Variants in SPATS1 observed in about 807,000 individuals in gnomAD.
The protein encoded by SPATS1 is spermatogenesis associated serine rich 1, also known as spermatogenesis-associated serine-rich protein 1.
Under a neutral mutation model 33.6 loss-of-function variants are expected in SPATS1, and 23 were observed. The ratio of observed to expected loss-of-function variants is 0.68; its 90% CI spans 0.49 to 0.97. SPATS1 has a LOEUF of 0.97. Ranked by LOEUF, SPATS1 falls within the 50% of genes least tolerant of loss-of-function variation. The pLI, the probability that SPATS1 is intolerant of heterozygous loss-of-function variation, is 0.00. For synonymous variants in SPATS1, 131 were observed against 125.6 expected (o/e 1.04, Z -0.29); for missense variants, 327 against 361.0 (o/e 0.91, Z 0.76).
At chr6:44,342,827 C>T (rs575364800) in intron 1 of SPATS1, 59 bp downstream of exon 1, 379 of 1,068,564 alleles carry the variant, frequency 3.5e-4, no homozygotes, top group Middle Eastern at 8.4e-4. Flanking sequence ...GGTGGGAAGA[C>T]CCCGAGGTGG....
At position 44,379,869 on chromosome 6, in the gene SPATS1, C is replaced by T. The variant is rs1790127545; in HGVS notation, c.*2806C>T. Among the ~76,000 whole-genome samples, 1 of 151,784 alleles carries T rather than the reference C, an allele frequency of 6.6e-6. No individual in the cohort carries two copies. Among genetic ancestry groups the T allele is most frequent in the African/African-American group, 2.4e-5 (1 of 41,322 alleles). ...CTGGAGTTGCAGAGCTACATTTCAT[C>T]CCCTGAAAATCAGGGCAGTTTTCGC... is the stretch of plus-strand genomic sequence containing the variant. On this transcript the variant is annotated 3_prime_UTR_variant, in exon 9 of 9. Coordinates refer to ENST00000674044, the MANE Select transcript of SPATS1 (RefSeq NM_001372081.1).
intron 3 of SPATS1, among the ~76,000 whole-genome samples, 166 bp downstream of exon 3, chr6:44,353,039 C>A (rs996315726): frequency 6.6e-6 from 1 of 152,144 alleles, no homozygotes; most frequent in African/African-American, 2.4e-5. Context: ...TGAATCTGAG[C>A]AAATTACTTC....
chr6:44,351,423 T>C (rs1048703930), intron 2 of SPATS1, among the ~76,000 whole-genome samples: 1 of 152,184 alleles, frequency 6.6e-6, no homozygotes, highest in African/African-American at 2.4e-5. Context: ...GTGTGAAGCA[T>C]GATACTGTGT....
chr6:44,362,082 A>C, intron 5 of SPATS1, 90 bp downstream of exon 5: 12 of 1,491,898 alleles, frequency 8.0e-6, no homozygotes, highest in Non-Finnish European at 1.1e-5. Flanking sequence ...AGCTGGGGGC[A>C]GCCCTGTAGA....
Position 44,349,229 on chromosome 6 carries a change from T to C in SPATS1, c.140-3497T>C, listed in dbSNP as rs139184174. Among the ~76,000 whole-genome samples, 537 of 141,422 alleles carry C rather than the reference T, an allele frequency of 3.8e-3. 3 individuals carry two copies. The highest frequency in any genetic ancestry group is 0.014 in the African/African-American group (514 of 37,388). The allele number at this position is 141,422 out of a possible 152,430, so 92.8% of individuals were successfully genotyped here. On this transcript the variant is annotated intron_variant, in intron 2 of 8. Transcript: ENST00000674044. Reference sequence around the variant, plus strand: ...CAGGAGAATTGCTTGAACCCTGGAGTTGGAGGTTGCAGTGAGCCGAGATTA... The same window carrying C: ...CAGGAGAATTGCTTGAACCCTGGAGCTGGAGGTTGCAGTGAGCCGAGATTA...
chr6:44,351,521 A>G (rs982636711), intron 2 of SPATS1, among the ~76,000 whole-genome samples: 3 of 152,216 alleles, frequency 2.0e-5, no homozygotes, highest in Non-Finnish European at 2.9e-5. Flanking sequence ...CAGAGGTTAC[A>G]TTGCCATCTA....
At chr6:44,362,723 T>C (rs1788995439) in intron 5 of SPATS1, among the ~76,000 whole-genome samples, 1 of 152,180 alleles carries the variant, frequency 6.6e-6, no homozygotes, top group Non-Finnish European at 1.5e-5. Flanking sequence ...CAGAGACAAA[T>C]AGTTTTGAGA....
At chr6:44,364,065 A>G (rs951462768) in intron 5 of SPATS1, among the ~76,000 whole-genome samples, 3 of 152,156 alleles carry the variant, frequency 2.0e-5, no homozygotes, top group Admixed American at 6.5e-5. Flanking sequence ...TTCAATAATG[A>G]TCAACACCTG....
chr6:44,360,916 G>A (rs912532980), intron 4 of SPATS1, among the ~76,000 whole-genome samples: 5 of 152,124 alleles, frequency 3.3e-5, no homozygotes, highest in Admixed American at 1.3e-4. Flanking sequence ...ATGTGTGTGT[G>A]TATACATACA....
chr6:44,369,493 T>TGAGCCGAGATTGCAGC (rs1300663628), intron 6 of SPATS1, among the ~76,000 whole-genome samples: 12 of 151,932 alleles, frequency 7.9e-5, no homozygotes, highest in African/African-American at 2.7e-4. Flanking sequence ...GAGGTTGCAG[T>TGAGCCGAGATTGCAGC]GAGCCGAGAT....
chr6:44,344,198 C>T (rs2153364183), intron 2 of SPATS1, among the ~76,000 whole-genome samples: 1 of 152,166 alleles, frequency 6.6e-6, no homozygotes, highest in South Asian at 2.1e-4. Context: ...TAAGGATGTC[C>T]TAGGGAGGAT....
intron 2 of SPATS1, among the ~76,000 whole-genome samples, chr6:44,347,155 A>C (rs745701378): frequency 1.3e-4 from 20 of 152,204 alleles, no homozygotes; most frequent in Admixed American, 1.3e-3. Context: ...GTTCTTACTT[A>C]TAAGTGGGAG....
At chr6:44,343,855 A>G (rs897651677) in intron 2 of SPATS1, among the ~76,000 whole-genome samples, 1 of 152,158 alleles carries the variant, frequency 6.6e-6, no homozygotes, top group Non-Finnish European at 1.5e-5. Context: ...TTTACCTGTT[A>G]TGGGTGAGTG....
At chr6:44,344,461 C>G (rs1339002405) in intron 2 of SPATS1, among the ~76,000 whole-genome samples, 6 of 151,060 alleles carry the variant, frequency 4.0e-5, no homozygotes, top group Admixed American at 4.0e-4. Context: ...TTCATTACTG[C>G]TCATGGGGGA....
rs115175245 is a variant in SPATS1 at position 44,354,596 on chromosome 6, C to G, written c.287+1723C>G. On this transcript the variant is annotated intron_variant, in intron 3 of 8. Coordinates refer to ENST00000674044, the MANE Select transcript of SPATS1 (RefSeq NM_001372081.1). The stretch of plus-strand genomic sequence containing the variant: ...ACACAGAAAAATTAACAGTAAGGTA[C>G]AAAGTTCCTATGTACTCCCTGCCCC... Among the ~76,000 whole-genome samples the G allele has an allele frequency of 5.3e-3, 812 of 152,090 alleles. 9 individuals carry two copies. Among genetic ancestry groups the G allele is most frequent in the African/African-American group, 0.018 (741 of 41,478 alleles).
At chr6:44,361,195 C>T (rs1202707503) in intron 4 of SPATS1, 1 of 310,214 alleles carries the variant, frequency 3.2e-6, no homozygotes, top group African/African-American at 2.3e-5. Flanking sequence ...TTCTCAAGCA[C>T]CCCTAGAGCT....
At chr6:44,366,387 G>A (rs990873161) in intron 5 of SPATS1, among the ~76,000 whole-genome samples, 1 of 152,070 alleles carries the variant, frequency 6.6e-6, no homozygotes, top group African/African-American at 2.4e-5. Flanking sequence ...GCCTCCCAAA[G>A]TGCTGGGATT....
At chr6:44,348,924 C>T (rs552823596) in intron 2 of SPATS1, among the ~76,000 whole-genome samples, 4 of 152,224 alleles carry the variant, frequency 2.6e-5, no homozygotes, top group East Asian at 1.9e-4. Context: ...TGAGGTGTGG[C>T]GTTTGAGACC....
Position 44,376,530 on chromosome 6 carries a change from G to T in SPATS1, c.874+57G>T, listed in dbSNP as rs1010715373. On this transcript the variant is annotated intron_variant, in intron 8 of 8. Coordinates refer to ENST00000674044, the MANE Select transcript of SPATS1 (RefSeq NM_001372081.1). The stretch of plus-strand genomic sequence containing the variant: ...AAAACTGGAGGAGTCCGCCGGGTAT[G>T]GTGGCTCACTCCTGTAATCCCAGCA... 22 of 1,238,976 alleles carry T rather than the reference G, an allele frequency of 1.8e-5. No individual in the cohort carries two copies. In the Admixed American group the frequency reaches 4.5e-4, roughly 25 times the overall value. 76.7% of individuals were successfully genotyped at this position (1,238,976 alleles called of 1,614,324 possible).
Sources: allele counts gnomAD v4.1 joint callset (sites outside exome capture counted in the v4.1 genomes callset), GRCh38; gene constraint gnomAD v4.1.1; transcripts MANE v1.5; gene names NCBI Gene and HGNC (gene_info 2026-07-23, HGNC 2026-07-21).